Variants in DDX60L observed in about 807,000 individuals in gnomAD.
DDX60L encodes the protein DExD/H-box 60 like.
A neutral mutation model predicts 211.6 loss-of-function variants in DDX60L; 191 were observed. The observed-to-expected ratio is 0.90, with a 90% CI of 0.80 to 1.02. The LOEUF is 1.02. Among genes scored for constraint, DDX60L ranks in the 50% least tolerant of loss-of-function variants. DDX60L has a pLI of 0.00. For missense variants in DDX60L, 2,007 were observed against 1,984.1 expected, an observed-to-expected ratio of 1.01 and a Z score of -0.22; for synonymous variants, 706 against 694.1, an observed-to-expected ratio of 1.02 and a Z score of -0.27.
Position 168,421,906 on chromosome 4 carries a change from C to T in DDX60L, c.2248G>A (p.Glu750Lys), listed in dbSNP as rs267600077. The change falls in exon 17 of 38, where the codon GAA becomes AAA. Residue 750 changes from glutamate (E) to lysine (K), a missense_variant. Transcript: ENST00000682922. ...TTCTTATCTACCACATCCAGGAGTT[C>T]CTGCTGCAGGGTACAAAGCACCATT... ...QDFIPNAWQQ[E>K]LLDVVDKNES... 6.2e-7 allele frequency: 1 copy of T among 1,613,582 alleles called. No homozygotes were observed. The highest frequency in any genetic ancestry group is 8.5e-7 in the Non-Finnish European group (1 of 1,179,508).
chr4:168,471,687 T>G (rs1039489757), intron 4 of DDX60L, 60 bp downstream of exon 4: 1 of 1,369,266 alleles, frequency 7.3e-7, no homozygotes, highest in South Asian at 1.5e-5. Context: ...GCTCTTTAGG[T>G]TAAGACATTT....
chr4:168,375,988 T>C (rs1191481557), intron 33 of DDX60L, among the ~76,000 whole-genome samples: 1 of 152,220 alleles, frequency 6.6e-6, no homozygotes, highest in East Asian at 1.9e-4. Context: ...TTCATCTACA[T>C]TTTGTACATG....
intron 27 of DDX60L, 111 bp from the exon 28 acceptor site, chr4:168,394,728 G>C: frequency 1.0e-6 from 1 of 980,080 alleles, no homozygotes; most frequent in Non-Finnish European, 1.5e-6. Context: ...CTTGCACACA[G>C]TGAGGCTGCC....
At chr4:168,368,094 C>G (rs922551985) in intron 36 of DDX60L, among the ~76,000 whole-genome samples, 1 of 152,182 alleles carries the variant, frequency 6.6e-6, no homozygotes, top group African/African-American at 2.4e-5. Flanking sequence ...TAACAAGGAG[C>G]CTAACGTTAA....
In DDX60L at chr4:168,393,180, T is replaced by A. The variant is rs538475508; in HGVS notation, c.3810+1285A>T. ...AGAAACAACTTTTATTTATGATATC[T>A]AATACTCCTCACTCTTCTTAAGATT... On this transcript the variant is annotated intron_variant, in intron 28 of 37. Coordinates refer to ENST00000682922, the MANE Select transcript of DDX60L (RefSeq NM_001012967.3). 2.6e-5 allele frequency among the ~76,000 whole-genome samples: 4 copies of A among 152,296 alleles called. No homozygotes were observed. The South Asian group carries it at 8.3e-4, about 32-fold the overall frequency.
intron 36 of DDX60L, among the ~76,000 whole-genome samples, chr4:168,364,496 A>T (rs892159610): frequency 6.6e-6 from 1 of 152,168 alleles, no homozygotes; most frequent in African/African-American, 2.4e-5. Flanking sequence ...CATCCAGGCG[A>T]AAAAATAACA....
Position 168,371,084 on chromosome 4 carries a change from TTTC to T in DDX60L, c.4928+525_4928+527del, listed in dbSNP as rs1365671668. Among the ~76,000 whole-genome samples the T allele has an allele frequency of 1.9e-3, 255 of 131,506 alleles. 1 individual carries two copies. Among genetic ancestry groups the T allele is most frequent in the African/African-American group, 7.2e-3 (252 of 34,882 alleles). 86.3% of individuals were successfully genotyped at this position (131,506 alleles called of 152,430 possible). A position where few individuals can be genotyped will look rare whatever the true frequency, so the allele number is the denominator to read the frequency against. On this transcript the variant is annotated intron_variant, in intron 36 of 37. Coordinates refer to ENST00000682922, the MANE Select transcript of DDX60L (RefSeq NM_001012967.3). ...TAATTTATTTCATAAAAAAGATTTATTTCATTAAAAATATTAATTTATTTCATA... is the reference window on the plus strand; with the variant it reads ...TAATTTATTTCATAAAAAAGATTTATATTAAAAATATTAATTTATTTCATA...
At chr4:168,434,331 A>G (rs970969606) in intron 10 of DDX60L, among the ~76,000 whole-genome samples, 1 of 152,206 alleles carries the variant, frequency 6.6e-6, no homozygotes, top group Non-Finnish European at 1.5e-5. Context: ...GACCTAAGGT[A>G]TCCAAAGGCT....
chr4:168,473,348 A>C (rs1235823888), intron 1 of DDX60L, among the ~76,000 whole-genome samples: 1 of 152,250 alleles, frequency 6.6e-6, no homozygotes, highest in East Asian at 1.9e-4. Context: ...TCTTTAGTAG[A>C]GAGAGCAGAT....
intron 13 of DDX60L, 25 bp from the exon 14 acceptor site, chr4:168,427,347 T>C: frequency 1.3e-6 from 2 of 1,594,062 alleles, no homozygotes; most frequent in Non-Finnish European, 1.7e-6. Context: ...AAGGAACATA[T>C]GAAACAAGTG....
chr4:168,449,649 AT>A (rs1561098500), intron 8 of DDX60L, among the ~76,000 whole-genome samples: 28 of 24,488 alleles, frequency 1.1e-3, no homozygotes, highest in East Asian at 6.6e-3. Context: ...AAAAAAAAAA[AT>A]GCAAAAAAAA....
chr4:168,398,880 C>T (rs1746288052), intron 26 of DDX60L, among the ~76,000 whole-genome samples: 1 of 151,984 alleles, frequency 6.6e-6, no homozygotes, highest in African/African-American at 2.4e-5. Context: ...CAACCAACTG[C>T]AAAGAGGAGT....
intron 9 of DDX60L, 79 bp from the exon 10 acceptor site, chr4:168,441,571 T>C: frequency 8.6e-7 from 1 of 1,164,382 alleles, no homozygotes; most frequent in Non-Finnish European, 1.2e-6. Context: ...TTTGAATAAA[T>C]TCATAGAGCT....
chr4:168,459,612 C>T (rs1031833418), intron 5 of DDX60L, among the ~76,000 whole-genome samples: 2 of 152,012 alleles, frequency 1.3e-5, no homozygotes, highest in African/African-American at 4.8e-5. Context: ...ATTAGCCTGG[C>T]GTGGTGGCAG....
chr4:168,447,729 G>C (rs1423503469), intron 9 of DDX60L, among the ~76,000 whole-genome samples: 4 of 151,776 alleles, frequency 2.6e-5, no homozygotes, highest in Middle Eastern at 3.4e-3. Context: ...CCTTTGTAGG[G>C]ACATGGATGA....
At chr4:168,479,125 T>A (rs1309727894) in intron 1 of DDX60L, among the ~76,000 whole-genome samples, 1 of 56,110 alleles carries the variant, frequency 1.8e-5, no homozygotes, top group East Asian at 3.7e-4. Flanking sequence ...GGCTGGATGA[T>A]GGATGGATGG....
intron 7 of DDX60L, among the ~76,000 whole-genome samples, chr4:168,454,758 C>CTT (rs767461447): frequency 0.012 from 1,095 of 88,628 alleles, 97 homozygotes; most frequent in East Asian, 0.092. Flanking sequence ...AAACAGCTTC[C>CTT]TTTTTTTTTT....
intron 12 of DDX60L, among the ~76,000 whole-genome samples, chr4:168,431,667 C>T (rs886853294): frequency 1.3e-5 from 2 of 151,634 alleles, no homozygotes; most frequent in Admixed American, 6.6e-5. Flanking sequence ...CTAACCTGCA[C>T]ATTGTGCACA....
chr4:168,358,195 C>G lies in DDX60L; in HGVS notation c.5073G>C (p.Glu1691Asp), dbSNP rs367597724. ...TTTGAATTTGCATTTCTTGAAGTTT[C>G]TCATAAAAGGTTTGACTCAATTGTT... ...AFKQLSQTFY[E>D]KLQEMQIQMS... is the part of the protein sequence containing the mutation. Residue 1691 changes from glutamate to aspartate, a missense_variant, in exon 38 of 38, where the codon GAG becomes GAC. Glu to Asp is a conservative substitution (Grantham distance 45). Transcript: ENST00000682922. 5.0e-6 allele frequency: 8 copies of G among 1,606,036 alleles called. No individual in the cohort carries two copies. In the African/African-American group the frequency reaches 9.4e-5, roughly 19 times the overall value.
Sources: gnomAD v4.1 joint callset for allele counts (sites outside exome capture counted in the v4.1 genomes callset) on GRCh38, gnomAD v4.1.1 for gene constraint, MANE v1.5 for transcripts, NCBI Gene and HGNC (gene_info 2026-07-23, HGNC 2026-07-21) for gene names.